Variants in ERP44 observed in about 807,000 individuals in gnomAD.
The protein encoded by ERP44 is endoplasmic reticulum resident protein 44.
A neutral mutation model predicts 53.4 loss-of-function variants in ERP44; 25 were observed. That is an observed-to-expected ratio of 0.47 (90% CI 0.34 to 0.65). ERP44 has a LOEUF of 0.65. ERP44 is among the 30% of genes least tolerant of loss of function. The pLI is 0.01. For missense variants in ERP44, 338 were observed against 493.2 expected, an observed-to-expected ratio of 0.69 and a Z score of 2.98; for synonymous variants, 145 against 161.2, an observed-to-expected ratio of 0.90 and a Z score of 0.76.
At chr9:100,061,754 G>A (rs1826152706) in intron 1 of ERP44, among the ~76,000 whole-genome samples, 2 of 151,766 alleles carry the variant, frequency 1.3e-5, no homozygotes, top group African/African-American at 2.4e-5. Context: ...TCTCCTAAAA[G>A]TAGGCTAAAT....
At position 100,022,020 on chromosome 9, in the gene ERP44, T is replaced by A. The variant is rs749494523; in HGVS notation, c.471+22A>T. On this transcript the variant is annotated intron_variant, in intron 5 of 11. Transcript: ENST00000262455. ...CATTAATCAGGGAATGTTTGTTTAATCTAGCAAAAGTTACAACTTACATCA... is the reference window on the plus strand; with the variant it reads ...CATTAATCAGGGAATGTTTGTTTAAACTAGCAAAAGTTACAACTTACATCA... 3 of 1,596,876 alleles carry A rather than the reference T, an allele frequency of 1.9e-6. No homozygotes were observed. In the South Asian group the frequency reaches 3.4e-5, roughly 18 times the overall value.
chr9:99,986,224 C>T (rs1002324106), intron 10 of ERP44, among the ~76,000 whole-genome samples: 2 of 152,050 alleles, frequency 1.3e-5, no homozygotes, highest in Admixed American at 1.3e-4. Context: ...TTTTTACTAT[C>T]TGTCTACCTG....
At position 99,980,438 on chromosome 9, in the gene ERP44, C is replaced by T; in HGVS notation, c.*2174G>A. ...ATTTCAAATAATATCTAAAGACTGT[C>T]CCAGTCCCAAGTCTTCTCCAAGCAA... is the stretch of plus-strand genomic sequence containing the variant. On this transcript the variant is annotated 3_prime_UTR_variant, in exon 12 of 12. Transcript: ENST00000262455. 1 of 172,264 alleles carries T rather than the reference C, an allele frequency of 5.8e-6. No homozygotes were observed. Among genetic ancestry groups the T allele is most frequent in the Non-Finnish European group, 1.2e-5 (1 of 81,826 alleles). The allele number at this position is 172,264 out of a possible 1,614,324, so 10.7% of individuals were successfully genotyped here.
chr9:100,016,261 G>A, intron 8 of ERP44, 61 bp downstream of exon 8: 1 of 1,537,308 alleles, frequency 6.5e-7, no homozygotes, highest in South Asian at 1.3e-5. Context: ...GACAGGTGGA[G>A]GAAGCTTGTG....
chr9:100,041,539 G>C (rs887879792), intron 4 of ERP44, among the ~76,000 whole-genome samples: 8 of 152,010 alleles, frequency 5.3e-5, no homozygotes, highest in African/African-American at 9.7e-5. Context: ...ATGGTGGCAC[G>C]TGCCTGTAGT....
At chr9:100,018,412 T>C in intron 6 of ERP44, 99 bp from the exon 7 acceptor site, 1 of 767,050 alleles carries the variant, frequency 1.3e-6, no homozygotes, top group South Asian at 1.4e-5. Flanking sequence ...TCTTCCCTAT[T>C]ACAAGACTAT....
At chr9:100,004,502 T>C (rs900898028) in intron 10 of ERP44, among the ~76,000 whole-genome samples, 1 of 152,146 alleles carries the variant, frequency 6.6e-6, no homozygotes, top group African/African-American at 2.4e-5. Context: ...AGTTCATGGG[T>C]ACCAGCCTGG....
intron 7 of ERP44, among the ~76,000 whole-genome samples, 188 bp downstream of exon 7, chr9:100,018,068 G>A (rs993203265): frequency 1.3e-5 from 2 of 152,188 alleles, no homozygotes; most frequent in Non-Finnish European, 2.9e-5. Flanking sequence ...TCTAATGCCT[G>A]TGTGACTTTA....
chr9:99,986,945 A>G (rs896543657), intron 10 of ERP44, among the ~76,000 whole-genome samples: 1 of 152,252 alleles, frequency 6.6e-6, no homozygotes, highest in Admixed American at 6.5e-5. Context: ...AATGGGGTCT[A>G]TAATGTTTAA....
At chr9:99,990,829 GA>G (rs1216131677) in intron 10 of ERP44, among the ~76,000 whole-genome samples, 1 of 151,284 alleles carries the variant, frequency 6.6e-6, no homozygotes, top group Non-Finnish European at 1.5e-5. Flanking sequence ...GATCTACCAA[GA>G]AAATGGAAAG....
At chr9:100,035,686 GAAT>G (rs145130096) in intron 4 of ERP44, among the ~76,000 whole-genome samples, 1,965 of 151,756 alleles carry the variant, frequency 0.013, 34 homozygotes, top group African/African-American at 0.046. Context: ...AAAAAAATAA[GAAT>G]AAAAATAAAA....
At chr9:100,060,279 T>C (rs544300116) in intron 1 of ERP44, 107 bp from the exon 2 acceptor site, 2 of 1,147,522 alleles carry the variant, frequency 1.7e-6, no homozygotes, top group Admixed American at 9.0e-5. Flanking sequence ...CTTAGAAAAT[T>C]ATACATCAAT....
intron 1 of ERP44, among the ~76,000 whole-genome samples, chr9:100,067,142 C>G (rs553035359): frequency 6.6e-6 from 1 of 152,094 alleles, no homozygotes; most frequent in South Asian, 2.1e-4. Context: ...AACCAAACAA[C>G]CGCTCTCGCT....
Position 99,981,329 on chromosome 9 carries a change from A to C in ERP44, c.*1283T>G, listed in dbSNP as rs75182987. 3 of 152,696 alleles carry C rather than the reference A, an allele frequency of 2.0e-5. No homozygotes were observed. The highest frequency in any genetic ancestry group is 4.4e-5 in the Non-Finnish European group (3 of 68,030). 9.5% of individuals were successfully genotyped at this position (152,696 alleles called of 1,614,324 possible). Reference sequence around the variant, plus strand: ...TCATTAAATATCCATTATAAATATTAATTTTATTTTAAAAGAATTGGAAGA... The same window carrying C: ...TCATTAAATATCCATTATAAATATTCATTTTATTTTAAAAGAATTGGAAGA... On this transcript the variant is annotated 3_prime_UTR_variant, in exon 12 of 12. Coordinates refer to ENST00000262455, the MANE Select transcript of ERP44 (RefSeq NM_015051.3).
chr9:100,003,734 T>C (rs985243554), intron 10 of ERP44, among the ~76,000 whole-genome samples: 4 of 150,452 alleles, frequency 2.7e-5, no homozygotes, highest in African/African-American at 9.8e-5. Flanking sequence ...TGAGCCTGAG[T>C]CTGCAGGGGC....
intron 3 of ERP44, among the ~76,000 whole-genome samples, chr9:100,056,802 C>A (rs1826092088): frequency 6.6e-6 from 1 of 152,050 alleles, no homozygotes; most frequent in South Asian, 2.1e-4. Flanking sequence ...ATAACTGGAG[C>A]AGAATGTGGA....
chr9:100,007,910 T>C (rs540864371), intron 8 of ERP44, among the ~76,000 whole-genome samples: 7 of 152,350 alleles, frequency 4.6e-5, no homozygotes, highest in Admixed American at 1.3e-4. Flanking sequence ...AGGACCCACA[T>C]GCCCTGCTTT....
chr9:100,083,154 A>G (rs1826445395), intron 1 of ERP44, among the ~76,000 whole-genome samples: 1 of 152,040 alleles, frequency 6.6e-6, no homozygotes, highest in African/African-American at 2.4e-5. Flanking sequence ...TGGGTAAGGA[A>G]AAGACAACAT....
intron 1 of ERP44, among the ~76,000 whole-genome samples, chr9:100,082,755 G>GA (rs5899401): frequency 0.22 from 31,682 of 146,758 alleles, 5,540 homozygotes; most frequent in African/African-American, 0.49. Flanking sequence ...CCTACTGTAG[G>GA]AAAAAAAAAA....
Sources: gnomAD v4.1 joint callset for allele counts (sites outside exome capture counted in the v4.1 genomes callset) on GRCh38, gnomAD v4.1.1 for gene constraint, MANE v1.5 for transcripts, NCBI Gene and HGNC (gene_info 2026-07-23, HGNC 2026-07-21) for gene names.